The following ERC2 variants were observed in gnomAD, a reference collection of about 807,000 sequenced individuals.
The protein encoded by ERC2 is ELKS/RAB6-interacting/CAST family member 2, also known as ERC protein 2.
A neutral mutation model predicts 114.8 loss-of-function variants in ERC2; 42 were observed. The observed-to-expected ratio is 0.37, with a 90% CI of 0.29 to 0.47. ERC2 has a LOEUF of 0.47. Ranked by LOEUF, ERC2 falls within the 20% of genes least tolerant of loss-of-function variation. The pLI is 0.99. For synonymous variants in ERC2, 454 were observed against 425.5 expected (o/e 1.07, Z -0.82); for missense variants, 939 against 1,150.7 (o/e 0.82, Z 2.66).
At chr3:55,890,551 G>A (rs1270976645) in intron 13 of ERC2, among the ~76,000 whole-genome samples, 2 of 152,156 alleles carry the variant, frequency 1.3e-5, no homozygotes, top group Non-Finnish European at 2.9e-5. Context: ...CCACTGGACC[G>A]CTTAGGGCAA....
At chr3:56,278,140 G>C (rs918663725) in intron 3 of ERC2, among the ~76,000 whole-genome samples, 1 of 152,326 alleles carries the variant, frequency 6.6e-6, no homozygotes, top group South Asian at 2.1e-4. Context: ...ATAAATGTTA[G>C]TCATGATGAT....
intron 3 of ERC2, among the ~76,000 whole-genome samples, chr3:56,260,162 A>G (rs542843481): frequency 2.6e-5 from 4 of 152,158 alleles, no homozygotes; most frequent in Non-Finnish European, 4.4e-5. Context: ...AGAGAATGAG[A>G]ATTTGCTCCC....
chr3:56,435,061 G>T lies in ERC2; in HGVS notation c.-54C>A, dbSNP rs1363556923. 3.6e-6 allele frequency: 5 copies of T among 1,382,064 alleles called. No individual in the cohort carries two copies. Among genetic ancestry groups the T allele is most frequent in the Non-Finnish European group, 4.9e-6 (5 of 1,025,252 alleles). The allele number at this position is 1,382,064 out of a possible 1,614,324, so 85.6% of individuals were successfully genotyped here. The stretch of plus-strand genomic sequence containing the variant: ...GAGAAGAAATGCTATATTAAGTTGG[G>T]GTTTGAGCTAATATTTCCACGATTG... On this transcript the variant is annotated 5_prime_UTR_variant, in exon 2 of 18. Coordinates refer to ENST00000288221, the MANE Select transcript of ERC2 (RefSeq NM_015576.3).
intron 2 of ERC2, among the ~76,000 whole-genome samples, chr3:56,426,371 C>T (rs2061569806): frequency 6.6e-6 from 1 of 152,238 alleles, no homozygotes; most frequent in Non-Finnish European, 1.5e-5. Context: ...CTTCGAGATG[C>T]TCCTGAAGCA....
At chr3:56,446,161 G>C (rs956762022) in intron 1 of ERC2, among the ~76,000 whole-genome samples, 1 of 152,146 alleles carries the variant, frequency 6.6e-6, no homozygotes, top group Admixed American at 6.5e-5. Flanking sequence ...ATTCACGGAG[G>C]GAAGTCACTG....
intron 7 of ERC2, among the ~76,000 whole-genome samples, chr3:56,056,586 T>G (rs1054586156): frequency 6.6e-6 from 1 of 152,046 alleles, no homozygotes; most frequent in Non-Finnish European, 1.5e-5. Flanking sequence ...TGTGAGAGAG[T>G]TGGGGCCTCC....
chr3:56,023,370 A>T (rs1010784196), intron 7 of ERC2, among the ~76,000 whole-genome samples: 1 of 152,072 alleles, frequency 6.6e-6, no homozygotes, highest in African/African-American at 2.4e-5. Context: ...GATCTTCTAC[A>T]ATCCCTCAGC....
At chr3:55,672,519 A>G (rs545729867) in intron 17 of ERC2, among the ~76,000 whole-genome samples, 1 of 152,062 alleles carries the variant, frequency 6.6e-6, no homozygotes, top group Admixed American at 6.6e-5. Flanking sequence ...TTCTTACTCT[A>G]TAAAATGGGC....
At chr3:56,443,233 G>A (rs1021303196) in intron 1 of ERC2, among the ~76,000 whole-genome samples, 7 of 152,224 alleles carry the variant, frequency 4.6e-5, no homozygotes, top group African/African-American at 1.7e-4. Context: ...ATCACAATGG[G>A]CAAGAGATTA....
At chr3:55,591,246 C>T (rs989921230) in intron 17 of ERC2, among the ~76,000 whole-genome samples, 3 of 150,622 alleles carry the variant, frequency 2.0e-5, no homozygotes, top group Non-Finnish European at 4.4e-5. Context: ...GCTGGGAAAT[C>T]GTGAGAAGTG....
At position 55,510,753 on chromosome 3, in the gene ERC2, T is replaced by A. The variant is rs1175150746; in HGVS notation, c.*563A>T. On this transcript the variant is annotated 3_prime_UTR_variant, in exon 18 of 18. Coordinates refer to ENST00000288221, the MANE Select transcript of ERC2 (RefSeq NM_015576.3). ...TTTTGTTTCTTCGTCAAACACTCCA[T>A]GCATCATGGTATACAAACACTGCCA... 4 of 152,316 alleles carry A rather than the reference T, an allele frequency of 2.6e-5. No individual in the cohort carries two copies. 9.4% of individuals were successfully genotyped at this position (152,316 alleles called of 1,614,324 possible).
intron 2 of ERC2, among the ~76,000 whole-genome samples, chr3:56,329,408 T>A (rs1035506363): frequency 1.3e-5 from 2 of 152,168 alleles, no homozygotes; most frequent in African/African-American, 4.8e-5. Context: ...AGGAGCCCTA[T>A]CAGGTTCTCA....
chr3:55,949,618 G>A (rs927086332), intron 13 of ERC2, among the ~76,000 whole-genome samples: 2 of 152,088 alleles, frequency 1.3e-5, no homozygotes, highest in African/African-American at 4.8e-5. Context: ...TTAAAAAGAT[G>A]AACTATGAGT....
At chr3:55,968,670 G>A (rs796882218) in intron 12 of ERC2, among the ~76,000 whole-genome samples, 17 of 152,212 alleles carry the variant, frequency 1.1e-4, no homozygotes, top group African/African-American at 3.4e-4. Flanking sequence ...AATGATACAC[G>A]TTTATTTGAT....
chr3:55,589,158 T>G (rs1215293306), intron 17 of ERC2, among the ~76,000 whole-genome samples: 1 of 145,466 alleles, frequency 6.9e-6, no homozygotes, highest in African/African-American at 2.6e-5. Flanking sequence ...GCAGGAGGAT[T>G]GCTTGAGCCA....
intron 15 of ERC2, among the ~76,000 whole-genome samples, chr3:55,713,131 T>TCTCTCTCTCACA (rs1553638935): frequency 1.4e-5 from 2 of 139,334 alleles, no homozygotes; most frequent in Non-Finnish European, 1.5e-5. Flanking sequence ...TCTCTCTGTC[T>TCTCTCTCTCACA]CACACACACA....
chr3:55,659,604 G>T (rs916444277), intron 17 of ERC2, among the ~76,000 whole-genome samples: 1 of 151,930 alleles, frequency 6.6e-6, no homozygotes, highest in Non-Finnish European at 1.5e-5. Flanking sequence ...ACCCACATCC[G>T]TCCATGCCAC....
At chr3:56,133,895 A>AT (rs1275457517) in intron 6 of ERC2, among the ~76,000 whole-genome samples, 3 of 152,206 alleles carry the variant, frequency 2.0e-5, no homozygotes, top group Non-Finnish European at 4.4e-5. Context: ...CACCTCACTG[A>AT]TTTGGACACA....
intron 17 of ERC2, among the ~76,000 whole-genome samples, chr3:55,619,979 A>G (rs2059263330): frequency 6.6e-6 from 1 of 152,224 alleles, no homozygotes; most frequent in Admixed American, 6.5e-5. Context: ...AATTCATTAA[A>G]GAAATTTCAC....
Sources: allele counts gnomAD v4.1 joint callset (sites outside exome capture counted in the v4.1 genomes callset), GRCh38; gene constraint gnomAD v4.1.1; transcripts MANE v1.5; gene names NCBI Gene and HGNC (gene_info 2026-07-23, HGNC 2026-07-21).